Variants in PRDM16 observed in about 807,000 individuals in gnomAD.
PRDM16 encodes PR/SET domain 16.
In PRDM16, 23 loss-of-function variants were observed where a neutral mutation model predicts 110.6. That is an observed-to-expected ratio of 0.21 (90% CI 0.15 to 0.29). The LOEUF (loss-of-function observed/expected upper bound fraction) is 0.29. PRDM16 is among the 10% of genes least tolerant of loss of function. The probability of loss-of-function intolerance (pLI) is 1.00; values close to 1 mark genes in which losing one functional copy is unlikely to be tolerated. For synonymous variants in PRDM16, 799 were observed against 781.8 expected, an observed-to-expected ratio of 1.02 and a Z score of -0.37; for missense variants, 1,615 against 1,794.3, an observed-to-expected ratio of 0.90 and a Z score of 1.81.
chr1:3,408,540 G>GGACACATGAGCTGGT (rs1643600638), intron 8 of PRDM16, among the ~76,000 whole-genome samples: 1 of 151,036 alleles, frequency 6.6e-6, no homozygotes, highest in Admixed American at 6.6e-5. Flanking sequence ...GCGTGTGTGT[G>GGACACATGAGCTGGT]GACACATGAG....
In PRDM16 at chr1:3,438,444, T is replaced by C; in HGVS notation, c.*4633T>C. ...AACAATTTTGCAAATTGCATTCTGA[T>C]GCTTGTGATGAACACAAATGTACTT... On this transcript the variant is annotated 3_prime_UTR_variant, in exon 17 of 17. Coordinates refer to ENST00000270722, the MANE Select transcript of PRDM16 (RefSeq NM_022114.4). The C allele has an allele frequency of 4.9e-6, 1 of 204,718 alleles. No homozygotes were observed. 12.7% of individuals were successfully genotyped at this position (204,718 alleles called of 1,614,324 possible).
At chr1:3,401,583 C>A (rs1213861981) in intron 5 of PRDM16, among the ~76,000 whole-genome samples, 1 of 152,236 alleles carries the variant, frequency 6.6e-6, no homozygotes, top group Non-Finnish European at 1.5e-5. Context: ...ACTACACACC[C>A]ATTGGCGCAC....
At chr1:3,322,457 G>A (rs776133901) in intron 3 of PRDM16, among the ~76,000 whole-genome samples, 3 of 152,146 alleles carry the variant, frequency 2.0e-5, no homozygotes, top group African/African-American at 4.8e-5. Context: ...CCTGGGCCTC[G>A]GGAATGAACC....
intron 3 of PRDM16, among the ~76,000 whole-genome samples, chr1:3,377,767 A>G (rs1335506848): frequency 6.6e-6 from 1 of 152,106 alleles, no homozygotes; most frequent in Non-Finnish European, 1.5e-5. Context: ...CCGTGTGGAG[A>G]CGTGGGCTGG....
intron 1 of PRDM16, among the ~76,000 whole-genome samples, chr1:3,130,227 C>G (rs189108617): frequency 2.0e-5 from 3 of 152,258 alleles, no homozygotes; most frequent in African/African-American, 7.2e-5. Context: ...ACCTGGAGGC[C>G]GACTGCCAGA....
At chr1:3,136,078 G>A (rs1022443735) in intron 1 of PRDM16, among the ~76,000 whole-genome samples, 5 of 151,918 alleles carry the variant, frequency 3.3e-5, no homozygotes, top group Non-Finnish European at 7.4e-5. Flanking sequence ...GGGGCTGGGG[G>A]CAGAACGCTC....
intron 3 of PRDM16, among the ~76,000 whole-genome samples, chr1:3,338,806 T>C (rs1437856552): frequency 6.6e-6 from 1 of 152,216 alleles, no homozygotes; most frequent in Non-Finnish European, 1.5e-5. Context: ...CAGGACACAC[T>C]GTGGACACAC....
chr1:3,329,820 T>C (rs924227432), intron 3 of PRDM16, among the ~76,000 whole-genome samples: 2 of 152,246 alleles, frequency 1.3e-5, no homozygotes, highest in East Asian at 1.9e-4. Context: ...CCACTGGTTA[T>C]GGTGGGCTGT....
intron 3 of PRDM16, among the ~76,000 whole-genome samples, chr1:3,365,717 G>A (rs1024065211): frequency 2.0e-5 from 3 of 152,228 alleles, no homozygotes; most frequent in East Asian, 1.9e-4. Flanking sequence ...AGTGGCTCCC[G>A]TCACCTCGCC....
rs2151350 is a variant in PRDM16, at chr1:3,390,291, T to C, written c.573+5005T>C. ...ACTGTCTAGTGGGGCTGAAGATGGCTGGGGACAGGGCTGAGGTCAAACACA... is the reference window on the plus strand; with the variant it reads ...ACTGTCTAGTGGGGCTGAAGATGGCCGGGGACAGGGCTGAGGTCAAACACA... On this transcript the variant is annotated intron_variant, in intron 4 of 16. Coordinates refer to ENST00000270722, the MANE Select transcript of PRDM16 (RefSeq NM_022114.4). The surrounding 1 kb of genome is among the most constrained non-coding windows in gnomAD (Gnocchi z 5.0). Among the ~76,000 whole-genome samples, 3 of 152,038 alleles carry C rather than the reference T, an allele frequency of 2.0e-5. No homozygotes were observed. The highest frequency in any genetic ancestry group is 7.2e-5 in the African/African-American group (3 of 41,398).
chr1:3,118,124 TGTGC>T (rs1375464158), intron 1 of PRDM16, among the ~76,000 whole-genome samples: 3 of 151,638 alleles, frequency 2.0e-5, no homozygotes, highest in African/African-American at 4.8e-5. Context: ...CGTGTGCGTG[TGTGC>T]GTGTGTACAT....
intron 1 of PRDM16, among the ~76,000 whole-genome samples, chr1:3,103,076 A>G (rs1244329022): frequency 1.3e-5 from 2 of 152,094 alleles, no homozygotes; most frequent in Non-Finnish European, 2.9e-5. Context: ...CTCCTCTACT[A>G]CTGCTGGACC....
intron 3 of PRDM16, 148 bp from the exon 4 acceptor site, chr1:3,385,004 C>A: frequency 1.1e-6 from 1 of 937,350 alleles, no homozygotes; most frequent in Non-Finnish European, 1.6e-6. Flanking sequence ...GGGAGCCCCG[C>A]TGATGCCCGG....
At chr1:3,164,164 G>A (rs888052395) in intron 1 of PRDM16, among the ~76,000 whole-genome samples, 1 of 152,228 alleles carries the variant, frequency 6.6e-6, no homozygotes, top group Non-Finnish European at 1.5e-5. Context: ...GCAAACGTCC[G>A]GCCAGCGGCT....
intron 3 of PRDM16, among the ~76,000 whole-genome samples, chr1:3,354,236 G>C (rs1642550007): frequency 6.6e-6 from 1 of 152,156 alleles, no homozygotes; most frequent in African/African-American, 2.4e-5. Flanking sequence ...GAGGTGGGTG[G>C]ATCACCTGAG....
At chr1:3,112,903 T>C (rs2100643184) in intron 1 of PRDM16, among the ~76,000 whole-genome samples, 1 of 152,366 alleles carries the variant, frequency 6.6e-6, no homozygotes, top group Middle Eastern at 3.4e-3. Flanking sequence ...GCCATCCTTC[T>C]TGCGGGGAGA....
chr1:3,391,320 A>G (rs1251563101), intron 4 of PRDM16, among the ~76,000 whole-genome samples: 1 of 152,032 alleles, frequency 6.6e-6, no homozygotes, highest in Non-Finnish European at 1.5e-5. Flanking sequence ...TTTGATTCCC[A>G]TTTTACGGGG....
chr1:3,434,702 A>G lies in PRDM16; in HGVS notation c.*891A>G, dbSNP rs1638860401. 1 of 232,596 alleles carries G rather than the reference A, an allele frequency of 4.3e-6. No homozygotes were observed. Among genetic ancestry groups the G allele is most frequent in the South Asian group, 1.8e-4 (1 of 5,526 alleles). The allele number at this position is 232,596 out of a possible 1,614,324, so 14.4% of individuals were successfully genotyped here. A position where few individuals can be genotyped will look rare whatever the true frequency, so the allele number is the denominator to read the frequency against. On this transcript the variant is annotated 3_prime_UTR_variant, in exon 17 of 17. Coordinates refer to ENST00000270722, the MANE Select transcript of PRDM16 (RefSeq NM_022114.4). ...AGGAATCCACAGGTCCCCACCCAAGATCCCTCAATTATATGGGGAAGTCGA... is the reference window on the plus strand; with the variant it reads ...AGGAATCCACAGGTCCCCACCCAAGGTCCCTCAATTATATGGGGAAGTCGA...
At position 3,435,657 on chromosome 1, in the gene PRDM16, G is replaced by A. The variant is rs1557676631; in HGVS notation, c.*1846G>A. 1 of 232,690 alleles carries A rather than the reference G, an allele frequency of 4.3e-6. No homozygotes were observed. Among genetic ancestry groups the A allele is most frequent in the Non-Finnish European group, 8.5e-6 (1 of 117,832 alleles). The allele number at this position is 232,690 out of a possible 1,614,324, so 14.4% of individuals were successfully genotyped here. ...GCAAGCCGCCTTGGTGTGGGTTTGT[G>A]TCACGTGTGGACATCTCCTCAGGCT... On this transcript the variant is annotated 3_prime_UTR_variant, in exon 17 of 17. Transcript: ENST00000270722.
Sources: gnomAD v4.1 joint callset for allele counts (sites outside exome capture counted in the v4.1 genomes callset) on GRCh38, gnomAD v4.1.1 for gene constraint, Gnocchi (gnomAD v3.1) non-coding constraint, MANE v1.5 for transcripts, NCBI Gene and HGNC (gene_info 2026-07-23, HGNC 2026-07-21) for gene names.